Variants in CCDC85C observed in about 807,000 individuals in gnomAD.
CCDC85C encodes the protein coiled-coil domain containing 85C.
A neutral mutation model predicts 38.3 loss-of-function variants in CCDC85C; 18 were observed. That is an observed-to-expected ratio of 0.47 (90% CI 0.33 to 0.70). The LOEUF is 0.70. CCDC85C is among the 30% of genes least tolerant of loss of function. The probability of loss-of-function intolerance (pLI) is 0.03; values close to 1 mark genes in which losing one functional copy is unlikely to be tolerated. For missense variants in CCDC85C, 566 were observed against 621.2 expected (o/e 0.91, Z 0.94); for synonymous variants, 264 against 293.8 (o/e 0.90, Z 1.04).
In CCDC85C at chr14:99,572,454, C is replaced by T. The variant is rs538565848; in HGVS notation, c.793+30713G>A. 2.3e-4 allele frequency among the ~76,000 whole-genome samples: 34 copies of T among 149,796 alleles called. No homozygotes were observed. Among genetic ancestry groups the T allele is most frequent in the African/African-American group, 7.4e-4 (30 of 40,414 alleles). Reference sequence around the variant, plus strand: ...CCTGCTCCACAGGGAAGCCAGAGGGCCTCACAAGTATAAATGATCAGGTAT... The same window carrying T: ...CCTGCTCCACAGGGAAGCCAGAGGGTCTCACAAGTATAAATGATCAGGTAT... On this transcript the variant is annotated intron_variant, in intron 1 of 5. Coordinates refer to ENST00000380243, the MANE Select transcript of CCDC85C (RefSeq NM_001144995.2). This position sits in a 1 kb window ranked among gnomAD's most constrained non-coding sequence, Gnocchi z 4.4.
rs936074994 is a variant in CCDC85C, at chr14:99,603,679, T to A, written c.281A>T (p.Asp94Val). 1 of 1,495,704 alleles carries A rather than the reference T, an allele frequency of 6.7e-7. No homozygotes were observed. The highest frequency in any genetic ancestry group is 1.4e-5 in the African/African-American group (1 of 68,968). The allele number at this position is 1,495,704 out of a possible 1,614,324, so 92.7% of individuals were successfully genotyped here. A position where few individuals can be genotyped will look rare whatever the true frequency, so the allele number is the denominator to read the frequency against. The change falls in exon 1 of 6, where the codon GAC becomes GTC. Residue 94 changes from aspartate to valine, a missense_variant. Transcript: ENST00000380243. This position sits in a 1 kb window ranked among gnomAD's most constrained non-coding sequence, Gnocchi z 7.5. ...LRELCCFLDD[D>V]RQKGRKLARE... is the part of the protein sequence containing the mutation. ...CGCCAGCTTGCGCCCCTTCTGCCGGTCGTCGTCGAGGAAGCAGCAGAGCTC... is the reference window on the plus strand; with the variant it reads ...CGCCAGCTTGCGCCCCTTCTGCCGGACGTCGTCGAGGAAGCAGCAGAGCTC...
intron 1 of CCDC85C, among the ~76,000 whole-genome samples, chr14:99,539,239 G>A (rs2139922918): frequency 6.6e-6 from 1 of 152,300 alleles, no homozygotes; most frequent in East Asian, 1.9e-4. Flanking sequence ...GGGAGGCCGA[G>A]GCAGGTGGAT....
In CCDC85C at chr14:99,501,712, G is replaced by T; in HGVS notation, c.*13534C>A. 2 of 349,612 alleles carry T rather than the reference G, an allele frequency of 5.7e-6. No individual in the cohort carries two copies. The highest frequency in any genetic ancestry group is 1.0e-5 in the Non-Finnish European group (2 of 194,236). 21.7% of individuals were successfully genotyped at this position (349,612 alleles called of 1,614,324 possible). ...AAAACTAATTACTTAGAGCCCATTT[G>T]GTTTTGCAAAAATATACTTCCTGGT... On this transcript the variant is annotated 3_prime_UTR_variant, in exon 6 of 6. Transcript: ENST00000380243.
Position 99,505,436 on chromosome 14 carries a change from T to G in CCDC85C, c.*9810A>C, listed in dbSNP as rs1896949963. ...CAGAGATTTCCAAGAAAGGAGAACG[T>G]AAGACATCTCATTAGTAAAGCTTTA... On this transcript the variant is annotated 3_prime_UTR_variant, in exon 6 of 6. Transcript: ENST00000380243. The G allele has an allele frequency of 6.6e-6, 1 of 152,374 alleles. No individual in the cohort carries two copies. Among genetic ancestry groups the G allele is most frequent in the East Asian group, 1.9e-4 (1 of 5,188 alleles). 9.4% of individuals were successfully genotyped at this position (152,374 alleles called of 1,614,324 possible).
At position 99,588,227 on chromosome 14, in the gene CCDC85C, G is replaced by A. The variant is rs527661146; in HGVS notation, c.793+14940C>T. ...GTCTTTCCCACTACAAAGGAATGCCGAGTCCAACCTGCTTGGGATGCAGCT... is the reference window on the plus strand; with the variant it reads ...GTCTTTCCCACTACAAAGGAATGCCAAGTCCAACCTGCTTGGGATGCAGCT... On this transcript the variant is annotated intron_variant, in intron 1 of 5. Coordinates refer to ENST00000380243, the MANE Select transcript of CCDC85C (RefSeq NM_001144995.2). The surrounding 1 kb of genome is among the most constrained non-coding windows in gnomAD (Gnocchi z 5.0). 3.9e-5 allele frequency among the ~76,000 whole-genome samples: 6 copies of A among 152,084 alleles called. No individual in the cohort carries two copies. The highest frequency in any genetic ancestry group is 2.1e-4 in the South Asian group (1 of 4,832).
chr14:99,526,153 C>T (rs1897379678), intron 2 of CCDC85C, among the ~76,000 whole-genome samples: 1 of 152,240 alleles, frequency 6.6e-6, no homozygotes, highest in African/African-American at 2.4e-5. Flanking sequence ...GGGTCAGGTG[C>T]CCTCCTGCTT....
intron 1 of CCDC85C, among the ~76,000 whole-genome samples, chr14:99,562,833 G>T (rs560290949): frequency 3.8e-4 from 58 of 151,992 alleles, no homozygotes; most frequent in African/African-American, 1.3e-3. Flanking sequence ...ACACACAAGT[G>T]CATATTCACA....
intron 2 of CCDC85C, 77 bp from the exon 3 acceptor site, chr14:99,522,317 C>A: frequency 8.9e-7 from 1 of 1,120,600 alleles, no homozygotes; most frequent in Non-Finnish European, 1.3e-6. Context: ...TGGCTCCTCA[C>A]GGCAGCAGGG....
rs565627448 is a variant in CCDC85C, at chr14:99,545,635, G to C, written c.794-9547C>G. Among the ~76,000 whole-genome samples, 6 of 152,236 alleles carry C rather than the reference G, an allele frequency of 3.9e-5. No homozygotes were observed. The highest frequency in any genetic ancestry group is 1.4e-4 in the African/African-American group (6 of 41,560). On this transcript the variant is annotated intron_variant, in intron 1 of 5. Transcript: ENST00000380243. This position sits in a 1 kb window ranked among gnomAD's most constrained non-coding sequence, Gnocchi z 4.7. The stretch of plus-strand genomic sequence containing the variant: ...CCCTACCAACCCCAACTTCACTGCT[G>C]AAGTTGGGAATCAGTGATAGATCTG...
Position 99,533,140 on chromosome 14 carries a change from C to G in CCDC85C, c.867+2875G>C, listed in dbSNP as rs982216616. Among the ~76,000 whole-genome samples the G allele has an allele frequency of 1.3e-5, 2 of 152,142 alleles. No homozygotes were observed. Among genetic ancestry groups the G allele is most frequent in the Non-Finnish European group, 2.9e-5 (2 of 68,020 alleles). The stretch of plus-strand genomic sequence containing the variant: ...CTGGGGATGCCACCAGCTCCTGGAG[C>G]CTTTGTTATGAGGTTCAGGGGCCTC... On this transcript the variant is annotated intron_variant, in intron 2 of 5. Transcript: ENST00000380243. This position sits in a 1 kb window ranked among gnomAD's most constrained non-coding sequence, Gnocchi z 4.2.
chr14:99,603,212 A>G lies in CCDC85C; in HGVS notation c.748T>C (p.Leu250=), dbSNP rs1244814067. Residue 250 remains leucine (L), a synonymous_variant, in exon 1 of 6, where the codon TTG becomes CTG. Coordinates refer to ENST00000380243, the MANE Select transcript of CCDC85C (RefSeq NM_001144995.2). This position sits in a 1 kb window ranked among gnomAD's most constrained non-coding sequence, Gnocchi z 7.5. Reference sequence around the variant, plus strand: ...CTGCGGTGGTGCGGCGGCGCCGACAAGTCGTCCAGGGACCGACGTGTGGCT... The same window carrying G: ...CTGCGGTGGTGCGGCGGCGCCGACAGGTCGTCCAGGGACCGACGTGTGGCT... ...AGATRRSLDD[L]SAPPHHRSIP... 3 of 1,428,938 alleles carry G rather than the reference A, an allele frequency of 2.1e-6. No individual in the cohort carries two copies. Among genetic ancestry groups the G allele is most frequent in the Non-Finnish European group, 2.7e-6 (3 of 1,093,794 alleles). 88.5% of individuals were successfully genotyped at this position (1,428,938 alleles called of 1,614,324 possible). A position where few individuals can be genotyped will look rare whatever the true frequency, so the allele number is the denominator to read the frequency against.
Position 99,572,677 on chromosome 14 carries a change from C to T in CCDC85C, c.793+30490G>A, listed in dbSNP as rs967080891. ...GGTGACCTGGCCCCTCCTTAAGAGG[C>T]CTCCCCTGCCACCATCTGTTTTCTG... On this transcript the variant is annotated intron_variant, in intron 1 of 5. Coordinates refer to ENST00000380243, the MANE Select transcript of CCDC85C (RefSeq NM_001144995.2). This position sits in a 1 kb window ranked among gnomAD's most constrained non-coding sequence, Gnocchi z 4.4. The T allele has an allele frequency of 5.5e-5, 25 of 455,904 alleles. No homozygotes were observed. Among genetic ancestry groups the T allele is most frequent in the East Asian group, 1.4e-4 (2 of 14,404 alleles). The allele number at this position is 455,904 out of a possible 1,614,324, so 28.2% of individuals were successfully genotyped here.
chr14:99,519,185 A>G (rs1897271217), intron 3 of CCDC85C, among the ~76,000 whole-genome samples: 1 of 122,602 alleles, frequency 8.2e-6, no homozygotes, highest in African/African-American at 3.1e-5. Flanking sequence ...GCACCATCTC[A>G]GCTCACTGCA....
rs1464367185 is a variant in CCDC85C, at chr14:99,509,234, G to A, written c.*6012C>T. Reference sequence around the variant, plus strand: ...CTCTGGAACCAGAAATGTTGCTCCTGTGGTCTGTCTCCTGGGCTGCCTTGG... The same window carrying A: ...CTCTGGAACCAGAAATGTTGCTCCTATGGTCTGTCTCCTGGGCTGCCTTGG... On this transcript the variant is annotated 3_prime_UTR_variant, in exon 6 of 6. Coordinates refer to ENST00000380243, the MANE Select transcript of CCDC85C (RefSeq NM_001144995.2). The A allele has an allele frequency of 6.6e-6, 1 of 152,288 alleles. No individual in the cohort carries two copies. The highest frequency in any genetic ancestry group is 1.5e-5 in the Non-Finnish European group (1 of 68,084). The allele number at this position is 152,288 out of a possible 1,614,324, so 9.4% of individuals were successfully genotyped here.
At position 99,502,288 on chromosome 14, in the gene CCDC85C, A is replaced by G; in HGVS notation, c.*12958T>C. On this transcript the variant is annotated 3_prime_UTR_variant, in exon 6 of 6. Coordinates refer to ENST00000380243, the MANE Select transcript of CCDC85C (RefSeq NM_001144995.2). ...TGTATCTCGCAGGACGTTTGTGCAA[A>G]TTTGAAATACAAGAATGGACCTCCA... 1 of 1,612,268 alleles carries G rather than the reference A, an allele frequency of 6.2e-7. No homozygotes were observed. The highest frequency in any genetic ancestry group is 1.1e-5 in the South Asian group (1 of 90,454).
At position 99,603,151 on chromosome 14, in the gene CCDC85C, C is replaced by A; in HGVS notation, c.793+16G>T. The A allele has an allele frequency of 7.6e-7, 1 of 1,322,734 alleles. No individual in the cohort carries two copies. The highest frequency in any genetic ancestry group is 3.9e-5 in the Admixed American group (1 of 25,642). 81.9% of individuals were successfully genotyped at this position (1,322,734 alleles called of 1,614,324 possible). On this transcript the variant is annotated intron_variant, in intron 1 of 5. Transcript: ENST00000380243. The surrounding 1 kb of genome is among the most constrained non-coding windows in gnomAD (Gnocchi z 7.5). ...AGCCAGGGAGACCCGCGCTGCCCGG[C>A]CCGTGTAGTCCTTACCGTGCAGGCC...
chr14:99,584,123 G>A (rs1330618171), intron 1 of CCDC85C, among the ~76,000 whole-genome samples: 3 of 152,106 alleles, frequency 2.0e-5, no homozygotes, highest in African/African-American at 7.2e-5. Flanking sequence ...AACTTGCTGG[G>A]CTCAAGAAAT....
chr14:99,596,876 C>T (rs921333518), intron 1 of CCDC85C, among the ~76,000 whole-genome samples: 2 of 152,162 alleles, frequency 1.3e-5, no homozygotes, highest in African/African-American at 4.8e-5. Context: ...GCAGCATCAG[C>T]GCTGGGGATG....
intron 3 of CCDC85C, among the ~76,000 whole-genome samples, chr14:99,519,986 G>A: frequency 6.6e-6 from 1 of 152,310 alleles, no homozygotes; most frequent in South Asian, 2.1e-4. Context: ...GACGGCACAA[G>A]TCTGAGTGTC....
Sources: allele counts gnomAD v4.1 joint callset (sites outside exome capture counted in the v4.1 genomes callset), GRCh38; gene constraint gnomAD v4.1.1; non-coding constraint Gnocchi (gnomAD v3.1); transcripts MANE v1.5; gene names NCBI Gene and HGNC (gene_info 2026-07-23, HGNC 2026-07-21).